Variants in HSD17B3 observed in about 807,000 individuals in gnomAD.
The protein encoded by HSD17B3 is 17-beta-hydroxysteroid dehydrogenase type 3.
A neutral mutation model predicts 41.1 loss-of-function variants in HSD17B3; 29 were observed. That is an observed-to-expected ratio of 0.71 (90% CI 0.53 to 0.96). The LOEUF (loss-of-function observed/expected upper bound fraction) is 0.96. Ranked by LOEUF, HSD17B3 falls within the 40% of genes least tolerant of loss-of-function variation. The pLI, the probability that HSD17B3 is intolerant of heterozygous loss-of-function variation, is 0.00. For missense variants in HSD17B3, 323 were observed against 374.6 expected (o/e 0.86, Z 1.14); for synonymous variants, 126 against 145.6 (o/e 0.87, Z 0.97).
chr9:96,289,720 C>T (rs1248393881), intron 2 of HSD17B3, among the ~76,000 whole-genome samples: 1 of 152,164 alleles, frequency 6.6e-6, no homozygotes, highest in African/African-American at 2.4e-5. Flanking sequence ...CGCCCGAGAA[C>T]ACTTGGTTGT....
intron 2 of HSD17B3, among the ~76,000 whole-genome samples, chr9:96,271,898 A>G (rs975557164): frequency 1.3e-5 from 2 of 152,118 alleles, no homozygotes; most frequent in African/African-American, 4.8e-5. Flanking sequence ...ACCTTTACAG[A>G]GAGGGGTAAG....
At chr9:96,263,732 A>T (rs1055199588) in intron 2 of HSD17B3, among the ~76,000 whole-genome samples, 4 of 152,062 alleles carry the variant, frequency 2.6e-5, no homozygotes, top group African/African-American at 7.2e-5. Context: ...CCTGTCAAAA[A>T]AAATAAATAA....
At chr9:96,286,186 C>G (rs948036381) in intron 2 of HSD17B3, among the ~76,000 whole-genome samples, 1 of 151,934 alleles carries the variant, frequency 6.6e-6, no homozygotes, top group Non-Finnish European at 1.5e-5. Flanking sequence ...TCTACTAAAA[C>G]TACAAAAATT....
chr9:96,245,773 T>A (rs1836638761), intron 7 of HSD17B3, among the ~76,000 whole-genome samples: 1 of 152,160 alleles, frequency 6.6e-6, no homozygotes, highest in Non-Finnish European at 1.5e-5. Flanking sequence ...GGGGAGAGAA[T>A]CCTTCTCCCT....
At position 96,245,563 on chromosome 9, in the gene HSD17B3, T is replaced by C. The variant is rs1836629192; in HGVS notation, c.525-137A>G. 17 of 709,008 alleles carry C rather than the reference T, an allele frequency of 2.4e-5. No homozygotes were observed. The South Asian group carries it at 2.5e-4, about 11-fold the overall frequency. The allele number at this position is 709,008 out of a possible 1,614,324, so 43.9% of individuals were successfully genotyped here. On this transcript the variant is annotated intron_variant, in intron 7 of 10. Coordinates refer to ENST00000375263, the MANE Select transcript of HSD17B3 (RefSeq NM_000197.2). ...TTCCGCAAGTGCTAGGGGCTCTGCT[T>C]CTAGGAATGGTAAGTGAACTTCCCC...
intron 8 of HSD17B3, 70 bp from the exon 9 acceptor site, chr9:96,244,464 T>C (rs1480814466): frequency 2.1e-6 from 3 of 1,406,806 alleles, no homozygotes. Context: ...TTCCTCTGAC[T>C]TCAAGGGGCA....
chr9:96,269,909 G>GAAAAAAAAA (rs59947729), intron 2 of HSD17B3, among the ~76,000 whole-genome samples: 2 of 103,880 alleles, frequency 1.9e-5, no homozygotes, highest in Admixed American at 1.1e-4. Flanking sequence ...ATCTTAAAAA[G>GAAAAAAAAA]AAAAAAAAAA....
intron 9 of HSD17B3, among the ~76,000 whole-genome samples, chr9:96,243,602 CAAT>C (rs1419594632): frequency 6.6e-6 from 1 of 152,222 alleles, no homozygotes; most frequent in East Asian, 1.9e-4. Flanking sequence ...TCCCACACAA[CAAT>C]AACAAAACAA....
At chr9:96,295,290 C>T (rs1477804525) in intron 2 of HSD17B3, among the ~76,000 whole-genome samples, 1 of 151,692 alleles carries the variant, frequency 6.6e-6, no homozygotes, top group Non-Finnish European at 1.5e-5. Flanking sequence ...CAGGCGTGAG[C>T]CACCACACCG....
chr9:96,285,015 T>G (rs1348270698), intron 2 of HSD17B3, among the ~76,000 whole-genome samples: 1 of 152,032 alleles, frequency 6.6e-6, no homozygotes, highest in Non-Finnish European at 1.5e-5. Flanking sequence ...ATTTTTGTAT[T>G]TTTAGTAGAG....
intron 2 of HSD17B3, among the ~76,000 whole-genome samples, chr9:96,269,231 A>G (rs1826150344): frequency 6.6e-6 from 1 of 152,208 alleles, no homozygotes; most frequent in Non-Finnish European, 1.5e-5. Context: ...TAGCAAAAAT[A>G]TAGTAAAAAT....
intron 2 of HSD17B3, among the ~76,000 whole-genome samples, chr9:96,294,382 C>A (rs1827270919): frequency 6.6e-6 from 1 of 152,228 alleles, no homozygotes; most frequent in Non-Finnish European, 1.5e-5. Flanking sequence ...TGTAACTTGT[C>A]CAAAATCTCC....
Position 96,235,424 on chromosome 9 carries a change from T to G in HSD17B3, c.*36A>C. ...TCCTCTTCAGCCAGCATGGGACTGG[T>G]GAGGAAAAGGTTGTGCTGGACTCCT... On this transcript the variant is annotated 3_prime_UTR_variant, in exon 11 of 11. Transcript: ENST00000375263. 18 of 1,425,322 alleles carry G rather than the reference T, an allele frequency of 1.3e-5. No homozygotes were observed. The highest frequency in any genetic ancestry group is 1.6e-5 in the Non-Finnish European group (16 of 1,015,096). The allele number at this position is 1,425,322 out of a possible 1,614,324, so 88.3% of individuals were successfully genotyped here.
intron 2 of HSD17B3, among the ~76,000 whole-genome samples, chr9:96,296,754 GT>G (rs1827375529): frequency 6.6e-6 from 1 of 152,056 alleles, no homozygotes; most frequent in Non-Finnish European, 1.5e-5. Flanking sequence ...AAAAATCAGG[GT>G]TTTCGGCAGG....
At chr9:96,265,657 T>C (rs1414946919) in intron 2 of HSD17B3, among the ~76,000 whole-genome samples, 11 of 152,226 alleles carry the variant, frequency 7.2e-5, no homozygotes, top group Non-Finnish European at 1.6e-4. Flanking sequence ...ATATATGATA[T>C]TTATTCATAT....
At chr9:96,235,677 C>A (rs1481879993) in intron 10 of HSD17B3, 107 bp from the exon 11 acceptor site, 2 of 889,536 alleles carry the variant, frequency 2.2e-6, no homozygotes, top group African/African-American at 3.3e-5. Flanking sequence ...AAGTGGAGCC[C>A]CAGAACCTTT....
intron 6 of HSD17B3, 150 bp downstream of exon 6, chr9:96,249,601 C>A: frequency 2.8e-6 from 2 of 706,818 alleles, no homozygotes; most frequent in Non-Finnish European, 5.1e-6. Context: ...CAGAACAAGA[C>A]AATTACAAGA....
chr9:96,258,779 A>T (rs1271172669), intron 2 of HSD17B3, among the ~76,000 whole-genome samples: 1 of 152,064 alleles, frequency 6.6e-6, no homozygotes, highest in Non-Finnish European at 1.5e-5. Context: ...TTCAAATCTC[A>T]TATAGTCTTC....
intron 2 of HSD17B3, among the ~76,000 whole-genome samples, chr9:96,275,445 T>C (rs979830036): frequency 3.9e-5 from 6 of 152,184 alleles, no homozygotes; most frequent in Admixed American, 6.5e-5. Context: ...ACAGGCATGA[T>C]GGCACACACC....
Sources: allele counts gnomAD v4.1 joint callset (sites outside exome capture counted in the v4.1 genomes callset), GRCh38; gene constraint gnomAD v4.1.1; transcripts MANE v1.5; gene names NCBI Gene and HGNC (gene_info 2026-07-23, HGNC 2026-07-21).